The following ADGRL3 variants were observed in gnomAD, a reference collection of about 807,000 sequenced individuals.
ADGRL3 encodes the protein calcium-independent alpha-latrotoxin receptor 3.
A neutral mutation model predicts 153.5 loss-of-function variants in ADGRL3; 62 were observed. That is an observed-to-expected ratio of 0.40 (90% confidence interval 0.33 to 0.50). The LOEUF (loss-of-function observed/expected upper bound fraction) is 0.50. Ranked by LOEUF, ADGRL3 falls within the 20% of genes least tolerant of loss-of-function variation. The pLI, the probability that ADGRL3 is intolerant of heterozygous loss-of-function variation, is 0.47. For synonymous variants in ADGRL3, 710 were observed against 672.5 expected (o/e 1.06, Z -0.86); for missense variants, 1,641 against 1,859.4 (o/e 0.88, Z 2.16).
chr4:62,054,803 G>C (rs1736129972), intron 25 of ADGRL3, among the ~76,000 whole-genome samples: 1 of 151,628 alleles, frequency 6.6e-6, no homozygotes. Context: ...CAATAGAAAT[G>C]TGGGCCAAAG....
In ADGRL3 at chr4:62,074,957, A is replaced by G. The variant is rs1206694285; in HGVS notation, c.*4049A>G. The G allele has an allele frequency of 6.6e-6, 1 of 152,178 alleles. No individual in the cohort carries two copies. The highest frequency in any genetic ancestry group is 6.5e-5 in the Admixed American group (1 of 15,274). 9.4% of individuals were successfully genotyped at this position (152,178 alleles called of 1,614,324 possible). ...TGTCTTCAGCTTCCCTGGACCCCCA[A>G]CACATGTTGAAATGTTATTGACTAG... On this transcript the variant is annotated 3_prime_UTR_variant, in exon 27 of 27. Transcript: ENST00000683033.
chr4:62,017,749 C>T (rs1475372564), intron 21 of ADGRL3, among the ~76,000 whole-genome samples: 1 of 152,070 alleles, frequency 6.6e-6, no homozygotes, highest in Non-Finnish European at 1.5e-5. Flanking sequence ...GAGAAGTAGG[C>T]CTTCAACCCA....
At chr4:62,006,038 T>A (rs1163931388) in intron 21 of ADGRL3, among the ~76,000 whole-genome samples, 14 of 134,494 alleles carry the variant, frequency 1.0e-4, no homozygotes, top group Middle Eastern at 3.8e-3. Context: ...ATATATTTTT[T>A]TTTTTTTTTG....
At chr4:61,345,527 GTTAAC>G (rs1466543698) in intron 1 of ADGRL3, among the ~76,000 whole-genome samples, 7 of 152,074 alleles carry the variant, frequency 4.6e-5, no homozygotes, top group African/African-American at 9.7e-5. Context: ...AAAAACTCAT[GTTAAC>G]TTAATAGCAA....
At chr4:62,014,296 A>G (rs1349447030) in intron 21 of ADGRL3, among the ~76,000 whole-genome samples, 1 of 152,106 alleles carries the variant, frequency 6.6e-6, no homozygotes, top group African/African-American at 2.4e-5. Context: ...GTGGGCAACA[A>G]TTTCACTTAA....
intron 1 of ADGRL3, among the ~76,000 whole-genome samples, chr4:61,325,718 A>G (rs891184275): frequency 6.6e-6 from 1 of 152,130 alleles, no homozygotes; most frequent in African/African-American, 2.4e-5. Context: ...TTATGATACT[A>G]TTCTTTTGTT....
At chr4:61,593,173 T>G (rs1338548772) in intron 5 of ADGRL3, among the ~76,000 whole-genome samples, 2 of 152,194 alleles carry the variant, frequency 1.3e-5, no homozygotes, top group Non-Finnish European at 2.9e-5. Flanking sequence ...TTTAACATTT[T>G]GTTGTTTCTC....
chr4:61,230,250 C>T (rs1445544427), intron 1 of ADGRL3, among the ~76,000 whole-genome samples: 3 of 152,164 alleles, frequency 2.0e-5, no homozygotes, highest in Non-Finnish European at 4.4e-5. Context: ...CCATGGCTGG[C>T]AGCCATTCTA....
chr4:61,387,555 C>G (rs1445103324), intron 2 of ADGRL3, among the ~76,000 whole-genome samples: 2 of 152,098 alleles, frequency 1.3e-5, no homozygotes, highest in African/African-American at 4.8e-5. Context: ...TTCTCTTTCT[C>G]AGGGATGTTC....
chr4:61,452,321 GCCCAGTTCTGCTTCCCTTC>G, intron 2 of ADGRL3, among the ~76,000 whole-genome samples: 1 of 101,782 alleles, frequency 9.8e-6, no homozygotes, highest in African/African-American at 3.6e-5. Context: ...CTTGCCTTCT[GCCCAGTTCTGCTTCCCTTC>G]TGCCCAGTTC....
intron 1 of ADGRL3, among the ~76,000 whole-genome samples, chr4:61,378,397 C>T (rs2096629543): frequency 6.6e-6 from 1 of 151,966 alleles, no homozygotes; most frequent in South Asian, 2.1e-4. Context: ...GGGCCATTGG[C>T]TAACAGGTAG....
chr4:61,499,170 T>C (rs1018488873), intron 3 of ADGRL3, among the ~76,000 whole-genome samples: 1 of 152,196 alleles, frequency 6.6e-6, no homozygotes, highest in Non-Finnish European at 1.5e-5. Context: ...GCTGTCATTC[T>C]AAATACTGGG....
chr4:61,374,867 T>A (rs567229350), intron 1 of ADGRL3, among the ~76,000 whole-genome samples: 3 of 152,236 alleles, frequency 2.0e-5, no homozygotes, highest in East Asian at 3.9e-4. Context: ...AGAATACATT[T>A]ATTGATTTTT....
intron 13 of ADGRL3, among the ~76,000 whole-genome samples, chr4:61,917,472 T>G (rs2149922111): frequency 6.6e-6 from 1 of 152,334 alleles, no homozygotes; most frequent in Middle Eastern, 3.4e-3. Context: ...ATGAAAAAGT[T>G]ACCATCTTAA....
At chr4:61,915,977 C>G (rs4860445) in intron 13 of ADGRL3, among the ~76,000 whole-genome samples, 123 of 152,028 alleles carry the variant, frequency 8.1e-4, no homozygotes, top group Admixed American at 2.9e-3. Context: ...TTTTGGCTGT[C>G]TAAATCCATT....
At chr4:61,482,435 G>A (rs532784962) in intron 2 of ADGRL3, among the ~76,000 whole-genome samples, 3 of 152,172 alleles carry the variant, frequency 2.0e-5, no homozygotes, top group Non-Finnish European at 4.4e-5. Flanking sequence ...TTTCTAGCCG[G>A]AGCCAAATAT....
At chr4:61,265,473 A>T (rs1269263575) in intron 1 of ADGRL3, among the ~76,000 whole-genome samples, 1 of 151,896 alleles carries the variant, frequency 6.6e-6, no homozygotes, top group African/African-American at 2.4e-5. Context: ...AGCGGAGGAC[A>T]GTAGTTAACT....
At chr4:61,940,002 C>T (rs1273312480) in intron 15 of ADGRL3, among the ~76,000 whole-genome samples, 2 of 147,024 alleles carry the variant, frequency 1.4e-5, no homozygotes, top group African/African-American at 5.1e-5. Context: ...CATATGTATA[C>T]ATGTGCCATG....
At chr4:61,534,865 A>T (rs574955208) in intron 4 of ADGRL3, among the ~76,000 whole-genome samples, 3 of 152,154 alleles carry the variant, frequency 2.0e-5, no homozygotes, top group Non-Finnish European at 2.9e-5. Context: ...ATTTTATAAG[A>T]TCATGTCATC....
Sources: gnomAD v4.1 joint callset for allele counts (sites outside exome capture counted in the v4.1 genomes callset) on GRCh38, gnomAD v4.1.1 for gene constraint, MANE v1.5 for transcripts, NCBI Gene and HGNC (gene_info 2026-07-23, HGNC 2026-07-21) for gene names.